Variants in ST6GALNAC5 observed in about 807,000 individuals in gnomAD.
The protein encoded by ST6GALNAC5 is ST6 N-acetylgalactosaminide alpha-2,6-sialyltransferase 5, also known as alpha-N-acetylgalactosaminide alpha-2,6-sialyltransferase 5.
In ST6GALNAC5, 27 loss-of-function variants were observed where a neutral mutation model predicts 33.6. The observed-to-expected ratio is 0.80, with a 90% confidence interval of 0.59 to 1.11. ST6GALNAC5 has a LOEUF of 1.11. Among genes scored for constraint, ST6GALNAC5 ranks in the 50% least tolerant of loss-of-function variants. ST6GALNAC5 has a pLI of 0.00. For missense variants in ST6GALNAC5, 428 were observed against 454.0 expected (o/e 0.94, Z 0.52); for synonymous variants, 194 against 171.2 (o/e 1.13, Z -1.04).
intron 2 of ST6GALNAC5, among the ~76,000 whole-genome samples, chr1:77,015,991 C>A (rs1650816519): frequency 6.6e-6 from 1 of 151,800 alleles, no homozygotes; most frequent in Admixed American, 6.6e-5. Context: ...GCAGGGGGCT[C>A]AGTTTCAGCT....
Position 77,056,518 on chromosome 1 carries a change from T to C in ST6GALNAC5, c.779+6153T>C, listed in dbSNP as rs1652403126. Reference sequence around the variant, plus strand: ...CTAAATTAATATCTCATCCGCAATATGAAGGACATCTCAAAGGTATCATGA... The same window carrying C: ...CTAAATTAATATCTCATCCGCAATACGAAGGACATCTCAAAGGTATCATGA... On this transcript the variant is annotated intron_variant, in intron 4 of 4. Transcript: ENST00000477717. 2.0e-5 allele frequency among the ~76,000 whole-genome samples: 3 copies of C among 152,148 alleles called. No homozygotes were observed. The South Asian group carries it at 6.2e-4, about 32-fold the overall frequency.
At chr1:76,896,041 AG>A (rs1654125855) in intron 2 of ST6GALNAC5, among the ~76,000 whole-genome samples, 1 of 152,170 alleles carries the variant, frequency 6.6e-6, no homozygotes, top group African/African-American at 2.4e-5. Context: ...GAGGACTGTA[AG>A]GGATATAAAG....
chr1:77,044,053 TA>T, intron 2 of ST6GALNAC5, 150 bp from the exon 3 acceptor site: 1 of 894,878 alleles, frequency 1.1e-6, no homozygotes, highest in Non-Finnish European at 1.6e-6. Flanking sequence ...CAAGGGTCCA[TA>T]AAGTAATAGC....
chr1:76,963,759 C>A (rs544865583), intron 2 of ST6GALNAC5, among the ~76,000 whole-genome samples: 1 of 152,174 alleles, frequency 6.6e-6, no homozygotes, highest in Non-Finnish European at 1.5e-5. Flanking sequence ...AAATGTGTTA[C>A]CTTACCTTAC....
intron 2 of ST6GALNAC5, among the ~76,000 whole-genome samples, chr1:76,909,454 C>T (rs1646891932): frequency 6.6e-6 from 1 of 152,034 alleles, no homozygotes; most frequent in Non-Finnish European, 1.5e-5. Flanking sequence ...AGCATAGTGA[C>T]TGAAATATAG....
At chr1:76,921,512 T>C (rs2100297341) in intron 2 of ST6GALNAC5, among the ~76,000 whole-genome samples, 2 of 152,206 alleles carry the variant, frequency 1.3e-5, no homozygotes, top group South Asian at 4.1e-4. Context: ...ATAGCAATAA[T>C]AAAATAGGGA....
At chr1:77,023,525 G>A (rs373656886) in intron 2 of ST6GALNAC5, among the ~76,000 whole-genome samples, 7 of 152,000 alleles carry the variant, frequency 4.6e-5, no homozygotes, top group South Asian at 4.2e-4. Flanking sequence ...CTGACAAAGC[G>A]GCATGGAGCT....
intron 2 of ST6GALNAC5, among the ~76,000 whole-genome samples, chr1:76,874,162 C>T (rs190200448): frequency 6.6e-6 from 1 of 152,250 alleles, no homozygotes; most frequent in East Asian, 1.9e-4. Flanking sequence ...CTTTATTAGC[C>T]TCATATCTCT....
At chr1:76,970,427 G>A (rs972984975) in intron 2 of ST6GALNAC5, among the ~76,000 whole-genome samples, 10 of 151,696 alleles carry the variant, frequency 6.6e-5, no homozygotes, top group Non-Finnish European at 1.3e-4. Flanking sequence ...TTCAATAGCC[G>A]ATCCAATCAA....
At chr1:76,964,418 T>C (rs1648371517) in intron 2 of ST6GALNAC5, among the ~76,000 whole-genome samples, 1 of 152,048 alleles carries the variant, frequency 6.6e-6, no homozygotes, top group Non-Finnish European at 1.5e-5. Context: ...AAACCCAGAA[T>C]TCTAAATGGC....
At chr1:76,919,568 A>G (rs535830370) in intron 2 of ST6GALNAC5, among the ~76,000 whole-genome samples, 1 of 152,136 alleles carries the variant, frequency 6.6e-6, no homozygotes, top group Non-Finnish European at 1.5e-5. Flanking sequence ...GATCACACTG[A>G]GCATATATCC....
At chr1:77,024,712 T>C (rs1222459473) in intron 2 of ST6GALNAC5, among the ~76,000 whole-genome samples, 1 of 152,224 alleles carries the variant, frequency 6.6e-6, no homozygotes, top group Non-Finnish European at 1.5e-5. Context: ...AAAGGGGCAG[T>C]GTGGACTGCC....
At chr1:77,045,941 C>A (rs1651992968) in intron 3 of ST6GALNAC5, among the ~76,000 whole-genome samples, 1 of 152,206 alleles carries the variant, frequency 6.6e-6, no homozygotes, top group African/African-American at 2.4e-5. Flanking sequence ...AGTTATCTAA[C>A]CTTTTAGAGA....
intron 2 of ST6GALNAC5, among the ~76,000 whole-genome samples, chr1:76,916,826 G>GGATTAAATCA (rs1646980995): frequency 6.6e-6 from 1 of 151,998 alleles, no homozygotes; most frequent in African/African-American, 2.4e-5. Context: ...CAAACAATGA[G>GGATTAAATCA]TTTTTTCTTA....
intron 2 of ST6GALNAC5, among the ~76,000 whole-genome samples, chr1:76,977,225 G>A (rs975092245): frequency 6.6e-6 from 1 of 152,034 alleles, no homozygotes; most frequent in Admixed American, 6.6e-5. Context: ...AGAGTGCAGT[G>A]TTATGTTTTA....
At chr1:76,988,954 A>G (rs529235152) in intron 2 of ST6GALNAC5, among the ~76,000 whole-genome samples, 1 of 152,284 alleles carries the variant, frequency 6.6e-6, no homozygotes, top group African/African-American at 2.4e-5. Context: ...GAGTTTGCAT[A>G]TATATTCTTA....
At position 76,932,800 on chromosome 1, in the gene ST6GALNAC5, G is replaced by GTA. The variant is rs1647158156; in HGVS notation, c.261+64061_261+64062dup. Among the ~76,000 whole-genome samples, 3 of 152,136 alleles carry GTA rather than the reference G, an allele frequency of 2.0e-5. No individual in the cohort carries two copies. In the South Asian group the frequency reaches 6.2e-4, roughly 32 times the overall value. On this transcript the variant is annotated intron_variant, in intron 2 of 4. Transcript: ENST00000477717. ...TAGGCTTGTGTTGTATTTTACCTTA[G>GTA]TATAGTTAGAGGAAGAAAAAATTAG...
intron 2 of ST6GALNAC5, among the ~76,000 whole-genome samples, chr1:76,885,598 T>C (rs1277340758): frequency 6.6e-6 from 1 of 152,214 alleles, no homozygotes; most frequent in African/African-American, 2.4e-5. Flanking sequence ...TAAAGACTTA[T>C]CTTGTTTAAT....
At chr1:77,008,067 G>A (rs1650495976) in intron 2 of ST6GALNAC5, among the ~76,000 whole-genome samples, 1 of 152,184 alleles carries the variant, frequency 6.6e-6, no homozygotes, top group Non-Finnish European at 1.5e-5. Context: ...TATTTTTAAA[G>A]TAGCACTAGT....
Sources: allele counts gnomAD v4.1 joint callset (sites outside exome capture counted in the v4.1 genomes callset), GRCh38; gene constraint gnomAD v4.1.1; transcripts MANE v1.5; gene names NCBI Gene and HGNC (gene_info 2026-07-23, HGNC 2026-07-21).